Variants in CACNA1E observed in about 807,000 individuals in gnomAD.
CACNA1E encodes calcium voltage-gated channel subunit alpha1 E, also known as voltage-dependent R-type calcium channel subunit alpha-1E.
A neutral mutation model predicts 259.2 loss-of-function variants in CACNA1E; 40 were observed. The observed-to-expected ratio is 0.15, with a 90% CI of 0.12 to 0.20. CACNA1E has a LOEUF of 0.20. Among genes scored for constraint, CACNA1E ranks in the 10% least tolerant of loss-of-function variants. The probability of loss-of-function intolerance (pLI) is 1.00; values close to 1 mark genes in which losing one functional copy is unlikely to be tolerated. For missense variants in CACNA1E, 1,874 were observed against 3,040.1 expected (o/e 0.62, Z 9.02); for synonymous variants, 1,104 against 1,138.5 (o/e 0.97, Z 0.61).
intron 3 of CACNA1E, among the ~76,000 whole-genome samples, chr1:181,519,620 G>T (rs1666846748): frequency 6.6e-6 from 1 of 152,092 alleles, no homozygotes; most frequent in Admixed American, 6.5e-5. Flanking sequence ...AGTGCATGTT[G>T]CTAAGTAACT....
intron 37 of CACNA1E, among the ~76,000 whole-genome samples, chr1:181,775,513 T>A (rs892734247): frequency 1.3e-5 from 2 of 152,150 alleles, no homozygotes; most frequent in Admixed American, 1.3e-4. Context: ...TTTATCTCTC[T>A]CCTCTCTAAA....
At chr1:181,698,773 C>T (rs1172204846) in intron 7 of CACNA1E, among the ~76,000 whole-genome samples, 3 of 151,974 alleles carry the variant, frequency 2.0e-5, no homozygotes, top group Admixed American at 2.0e-4. Flanking sequence ...AATAAGGTAA[C>T]AATTAATTGC....
chr1:181,363,882 T>C (rs1441106644), intron 1 of CACNA1E, among the ~76,000 whole-genome samples: 2 of 152,006 alleles, frequency 1.3e-5, no homozygotes, highest in Non-Finnish European at 2.9e-5. Context: ...ATAGGAGAGG[T>C]GGGGCCAGAG....
chr1:181,757,006 T>C lies in CACNA1E; in HGVS notation c.4209T>C (p.Tyr1403=), dbSNP rs367930905. Residue 1403 remains tyrosine, a synonymous_variant, in exon 30 of 48, where the codon TAT becomes TAC. Coordinates refer to ENST00000367573, the MANE Select transcript of CACNA1E (RefSeq NM_001205293.3). ...ACCGCATGGAGATGTCTATCTTTTATGTAGTCTACTTTGTGGTCTTCCCCT... is the reference window on the plus strand; with the variant it reads ...ACCGCATGGAGATGTCTATCTTTTACGTAGTCTACTTTGTGGTCTTCCCCT... The part of the protein sequence containing the change: ...RSNRMEMSIF[Y]VVYFVVFPFF... 1.1e-5 allele frequency: 17 copies of C among 1,613,802 alleles called. No individual in the cohort carries two copies. Among genetic ancestry groups the C allele is most frequent in the Admixed American group, 1.7e-5 (1 of 60,032 alleles).
At position 181,553,519 on chromosome 1, in the gene CACNA1E, G is replaced by A. The variant is rs574146152; in HGVS notation, c.513-24247G>A. Among the ~76,000 whole-genome samples the A allele has an allele frequency of 3.5e-4, 54 of 152,192 alleles. 3 individuals are homozygous for A. In the Middle Eastern group the frequency reaches 0.01, roughly 29 times the overall value. On this transcript the variant is annotated intron_variant, in intron 3 of 47. Transcript: ENST00000367573. ...TTCTTTCTCTTGCCTGATTGCCCTG[G>A]CCAGAACTTCCAATACTATGTTGAA...
intron 7 of CACNA1E, among the ~76,000 whole-genome samples, chr1:181,677,132 T>G (rs1238145011): frequency 6.6e-6 from 1 of 152,158 alleles, no homozygotes; most frequent in Non-Finnish European, 1.5e-5. Flanking sequence ...AGGACTGGGC[T>G]TCTGTGGTTG....
chr1:181,542,984 TTTTG>T (rs1017343695), intron 3 of CACNA1E, among the ~76,000 whole-genome samples: 6 of 143,660 alleles, frequency 4.2e-5, no homozygotes, highest in Admixed American at 7.1e-5. Context: ...CTTAAGGATT[TTTTG>T]TTTGTTTGCG....
At chr1:181,672,927 T>C (rs1648952301) in intron 7 of CACNA1E, among the ~76,000 whole-genome samples, 1 of 152,210 alleles carries the variant, frequency 6.6e-6, no homozygotes, top group African/African-American at 2.4e-5. Context: ...GAGTTATTTG[T>C]TGGACTTAAC....
chr1:181,645,745 C>A (rs984793290), intron 6 of CACNA1E, among the ~76,000 whole-genome samples: 10 of 152,242 alleles, frequency 6.6e-5, no homozygotes, highest in African/African-American at 2.4e-4. Context: ...CATTAGATCA[C>A]AAGTTTCAAA....
In CACNA1E at chr1:181,798,222, T is replaced by C; in HGVS notation, c.6400-70T>C. On this transcript the variant is annotated intron_variant, in intron 47 of 47. Transcript: ENST00000367573. The surrounding 1 kb of genome is among the most constrained non-coding windows in gnomAD (Gnocchi z 4.2). ...GACAGAATTCAGATTCCAAGGACTCTCTTAACAGAGTTGCAAGTAGGGATC... is the reference window on the plus strand; with the variant it reads ...GACAGAATTCAGATTCCAAGGACTCCCTTAACAGAGTTGCAAGTAGGGATC... 1 of 1,305,662 alleles carries C rather than the reference T, an allele frequency of 7.7e-7. No individual in the cohort carries two copies. The highest frequency in any genetic ancestry group is 1.1e-6 in the Non-Finnish European group (1 of 942,358). 80.9% of individuals were successfully genotyped at this position (1,305,662 alleles called of 1,614,324 possible). A position where few individuals can be genotyped will look rare whatever the true frequency, so the allele number is the denominator to read the frequency against.
intron 1 of CACNA1E, among the ~76,000 whole-genome samples, chr1:181,369,405 C>T (rs1030584364): frequency 6.6e-6 from 1 of 152,192 alleles, no homozygotes; most frequent in African/African-American, 2.4e-5. Flanking sequence ...CTGTCAGAGT[C>T]CCCTGCGAGG....
rs572437577 is a variant in CACNA1E at position 181,530,403 on chromosome 1, A to C, written c.512+18893A>C. 2.0e-5 allele frequency among the ~76,000 whole-genome samples: 3 copies of C among 152,270 alleles called. No individual in the cohort carries two copies. The East Asian group carries it at 5.8e-4, about 29-fold the overall frequency. ...CCATATACATACAGCACTAAATTTG[A>C]TGCTGAGAATATAGCAGATTTTTAA... On this transcript the variant is annotated intron_variant, in intron 3 of 47. Transcript: ENST00000367573.
chr1:181,638,318 A>G (rs905127693), intron 6 of CACNA1E, among the ~76,000 whole-genome samples: 6 of 152,260 alleles, frequency 3.9e-5, no homozygotes, highest in Admixed American at 6.5e-5. Context: ...ACATTGGAAT[A>G]GTATTACAAT....
At chr1:181,444,958 T>G (rs1321762390) in intron 2 of CACNA1E, among the ~76,000 whole-genome samples, 2 of 152,224 alleles carry the variant, frequency 1.3e-5, no homozygotes, top group Non-Finnish European at 2.9e-5. Flanking sequence ...TGACTTCTGA[T>G]CTTTCAGAAA....
At chr1:181,553,630 G>C (rs1017908691) in intron 3 of CACNA1E, among the ~76,000 whole-genome samples, 2 of 152,166 alleles carry the variant, frequency 1.3e-5, no homozygotes, top group African/African-American at 4.8e-5. Flanking sequence ...TGTGATATTG[G>C]CTATGGGTTT....
intron 25 of CACNA1E, among the ~76,000 whole-genome samples, chr1:181,742,357 G>C (rs1024053022): frequency 2.0e-5 from 3 of 152,166 alleles, no homozygotes; most frequent in African/African-American, 7.2e-5. Context: ...ATGTGGGGTT[G>C]TCTGCAGGCT....
At chr1:181,731,740 A>G (rs1655500165) in intron 19 of CACNA1E, among the ~76,000 whole-genome samples, 1 of 151,996 alleles carries the variant, frequency 6.6e-6, no homozygotes, top group Admixed American at 6.5e-5. Context: ...CCTGGGCTGA[A>G]ATGCTCGATC....
At chr1:181,703,780 C>A (rs1488534775) in intron 7 of CACNA1E, among the ~76,000 whole-genome samples, 1 of 149,828 alleles carries the variant, frequency 6.7e-6, no homozygotes, top group Non-Finnish European at 1.5e-5. Flanking sequence ...TGACCTCTCT[C>A]TATGCCTTAG....
At chr1:181,482,261 C>T (rs1438700295), upstream of CACNA1E, among the ~76,000 whole-genome samples, 2 of 152,236 alleles carry the variant, frequency 1.3e-5, no homozygotes, top group African/African-American at 2.4e-5. Flanking sequence ...CTTACTAGGG[C>T]GGCGGCGGGC....
Sources: allele counts gnomAD v4.1 joint callset (sites outside exome capture counted in the v4.1 genomes callset), GRCh38; gene constraint gnomAD v4.1.1; non-coding constraint Gnocchi (gnomAD v3.1); transcripts MANE v1.5; gene names NCBI Gene and HGNC (gene_info 2026-07-23, HGNC 2026-07-21).